USP36: variants seen among roughly 807,000 people sequenced by gnomAD.
USP36 encodes the protein ubiquitin specific peptidase 36, also known as ubiquitin carboxyl-terminal hydrolase 36.
In USP36, 59 loss-of-function variants were observed where a neutral mutation model predicts 111.5. That is an observed-to-expected ratio of 0.53 (90% CI 0.43 to 0.66). USP36 has a LOEUF of 0.66. Among genes scored for constraint, USP36 ranks in the 30% least tolerant of loss-of-function variants. The pLI is 0.00. For synonymous variants in USP36, 628 were observed against 581.0 expected (o/e 1.08, Z -1.16); for missense variants, 1,488 against 1,468.0 (o/e 1.01, Z -0.22).
At chr17:78,834,695 T>C (rs2068481570) in intron 4 of USP36, among the ~76,000 whole-genome samples, 1 of 152,126 alleles carries the variant, frequency 6.6e-6, no homozygotes, top group Non-Finnish European at 1.5e-5. Context: ...TGCCCACCTC[T>C]GCCTCCCACA....
chr17:78,816,664 A>C (rs1213907152), intron 10 of USP36, among the ~76,000 whole-genome samples: 1 of 151,512 alleles, frequency 6.6e-6, no homozygotes, highest in African/African-American at 2.4e-5. Context: ...TTTTGTAGAG[A>C]CAGGGTCTCA....
chr17:78,828,917 G>A lies in USP36; in HGVS notation c.566C>T (p.Ser189Phe), dbSNP rs369064069. 30 of 1,614,156 alleles carry A rather than the reference G, an allele frequency of 1.9e-5. No homozygotes were observed. The highest frequency in any genetic ancestry group is 2.5e-5 in the Non-Finnish European group (29 of 1,180,024). ...ANSGNAIKPV[S>F]FIRDLKKIAR... ...CTTACTTTTCAGGTCTCGGATGAAGGAGACGGGCTTGATGGCGTTGCCGCT... is the reference window on the plus strand; with the variant it reads ...CTTACTTTTCAGGTCTCGGATGAAGAAGACGGGCTTGATGGCGTTGCCGCT... The change falls in exon 5 of 21, where the codon TCC becomes TTC. Residue 189 changes from serine (S) to phenylalanine (F), a missense_variant. Ser to Phe is a radical substitution (Grantham distance 155, BLOSUM62 -2). Around this residue, in one of 3 missense-constraint regions of USP36, gnomAD observed 196 missense variants for 264.4 expected, o/e 0.74. Transcript: ENST00000449938.
At position 78,798,615 on chromosome 17, in the gene USP36, C is replaced by T. The variant is rs2093669850; in HGVS notation, c.3241-64G>A. 1 of 1,599,606 alleles carries T rather than the reference C, an allele frequency of 6.3e-7. No homozygotes were observed. Among genetic ancestry groups the T allele is most frequent in the Non-Finnish European group, 8.5e-7 (1 of 1,178,050 alleles). On this transcript the variant is annotated intron_variant, in intron 19 of 20. Transcript: ENST00000449938. The surrounding 1 kb of genome is among the most constrained non-coding windows in gnomAD (Gnocchi z 5.1). ...GGCTCTTTCCTGGCCCACGGGGCTC[C>T]ATGCTGCATGCAGGTCCTGCACACA...
chr17:78,814,310 C>T, intron 11 of USP36, 102 bp downstream of exon 11: 1 of 1,480,416 alleles, frequency 6.8e-7, no homozygotes, highest in South Asian at 1.3e-5. Context: ...CACAAAACAT[C>T]ACACTTTTCA....
chr17:78,822,100 T>C, intron 6 of USP36, 96 bp from the exon 7 acceptor site: 2 of 1,432,836 alleles, frequency 1.4e-6, no homozygotes, highest in Non-Finnish European at 2.0e-6. Context: ...AGTCACAAGC[T>C]CAGCGTGAGG....
At chr17:78,823,353 C>A (rs1333718785) in intron 6 of USP36, among the ~76,000 whole-genome samples, 3 of 152,218 alleles carry the variant, frequency 2.0e-5, no homozygotes, top group East Asian at 3.9e-4. Flanking sequence ...ACCCCCACAA[C>A]CCCTCTGTCA....
At chr17:78,841,012 T>G (rs937047231), upstream of USP36, 1 of 152,228 alleles carries the variant, frequency 6.6e-6, no homozygotes, top group African/African-American at 2.4e-5. Context: ...CCAGCCTACG[T>G]GATGACGCAA....
At chr17:78,829,585 T>C (rs989617256) in intron 4 of USP36, among the ~76,000 whole-genome samples, 1 of 152,186 alleles carries the variant, frequency 6.6e-6, no homozygotes, top group African/African-American at 2.4e-5. Context: ...TAGTCACAAC[T>C]ATGCTCCTGT....
rs1346765609 is a variant in USP36, at chr17:78,806,946, C to T, written c.2085+13G>A. 9.3e-6 allele frequency: 15 copies of T among 1,612,880 alleles called. No individual in the cohort carries two copies. In the African/African-American group the frequency reaches 1.6e-4, roughly 17 times the overall value. ...CCTGATACACAGCAGCGGCGAGACC[C>T]CCACACACCCACCTTCTTGGCAGAA... is the stretch of plus-strand genomic sequence containing the variant. On this transcript the variant is annotated intron_variant, in intron 14 of 20. Coordinates refer to ENST00000449938, the MANE Select transcript of USP36 (RefSeq NM_001385174.1).
chr17:78,830,886 C>T (rs1329096403), intron 4 of USP36, among the ~76,000 whole-genome samples: 3 of 151,542 alleles, frequency 2.0e-5, no homozygotes, highest in Admixed American at 6.6e-5. Context: ...TTTAAAATGA[C>T]AATAATGATT....
chr17:78,832,448 TCA>T (rs894619937), intron 4 of USP36, among the ~76,000 whole-genome samples: 6 of 152,300 alleles, frequency 3.9e-5, no homozygotes, highest in African/African-American at 1.2e-4. Context: ...CACTAATATT[TCA>T]CAGTGATACT....
intron 13 of USP36, among the ~76,000 whole-genome samples, chr17:78,809,464 G>C (rs547428543): frequency 6.6e-6 from 1 of 152,132 alleles, no homozygotes; most frequent in Non-Finnish European, 1.5e-5. Flanking sequence ...GAGTAAAACG[G>C]CTCGTCTGCT....
At chr17:78,814,788 A>C (rs1223202769) in intron 10 of USP36, among the ~76,000 whole-genome samples, 1 of 151,866 alleles carries the variant, frequency 6.6e-6, no homozygotes, top group Non-Finnish European at 1.5e-5. Flanking sequence ...ACTTCTAATA[A>C]AAATACAAAA....
chr17:78,812,792 C>G, intron 13 of USP36, 68 bp downstream of exon 13: 1 of 1,574,568 alleles, frequency 6.4e-7, no homozygotes, highest in South Asian at 1.1e-5. Context: ...GCCAACTTCC[C>G]AAGTGTGAGG....
At chr17:78,822,223 C>T (rs922221472) in intron 6 of USP36, among the ~76,000 whole-genome samples, 6 of 152,158 alleles carry the variant, frequency 3.9e-5, no homozygotes, top group African/African-American at 1.4e-4. Context: ...GCCCCACTAC[C>T]CACAGTAGCC....
chr17:78,808,344 G>A (rs888695528), intron 13 of USP36, among the ~76,000 whole-genome samples: 1 of 152,112 alleles, frequency 6.6e-6, no homozygotes, highest in Non-Finnish European at 1.5e-5. Context: ...TCAACCTTCT[G>A]GGCTCAAGAG....
Position 78,835,397 on chromosome 17 carries a change from C to G in USP36, c.358G>C (p.Val120Leu), listed in dbSNP as rs138324901. ...CCAAGGTTGTGGAGTCCTGCGCCCA[C>G]GCGGAAGACCCGCTCCCACCTCAGA... is the stretch of plus-strand genomic sequence containing the variant. ...LSLRWERVFRVGAGLHNLGNT... is the reference protein window; with the variant it reads ...LSLRWERVFRLGAGLHNLGNT... The change falls in exon 4 of 21, where the codon GTG (valine) becomes CTG (leucine). Residue 120 changes from valine to leucine, a missense_variant. Physicochemically the swap from Val to Leu is conservative, Grantham distance 32. Transcript: ENST00000449938. The G allele has an allele frequency of 8.7e-6, 14 of 1,614,126 alleles. No homozygotes were observed. In the East Asian group the frequency reaches 2.2e-4, roughly 26 times the overall value.
Position 78,807,143 on chromosome 17 carries a change from G to A in USP36, c.1901C>T (p.Ala634Val), listed in dbSNP as rs764090613. The A allele has an allele frequency of 7.5e-5, 121 of 1,614,080 alleles. No individual in the cohort carries two copies. The highest frequency in any genetic ancestry group is 1.6e-4 in the Middle Eastern group (1 of 6,082). ...TKAPQTPRSG[A>V]AHLCDSQETN... The stretch of plus-strand genomic sequence containing the variant: ...TTCCTGAGAATCGCAGAGATGGGCC[G>A]CTCCACTCCTGGGGGTCTGGGGGGC... The change falls in exon 14 of 21, where the codon GCG (alanine) becomes GTG (valine). Residue 634 changes from alanine to valine, a missense_variant. Around this residue, in one of 3 missense-constraint regions of USP36, gnomAD observed 1,073 missense variants for 994.1 expected, o/e 1.08. Transcript: ENST00000449938.
chr17:78,829,724 C>T (rs2067908131), intron 4 of USP36, among the ~76,000 whole-genome samples: 1 of 152,184 alleles, frequency 6.6e-6, no homozygotes. Flanking sequence ...TAAAACGCCT[C>T]ACTAGGCATT....
Sources: gnomAD v4.1 joint callset for allele counts (sites outside exome capture counted in the v4.1 genomes callset) on GRCh38, gnomAD v4.1.1 for gene constraint, gnomAD v4.1.1 regional missense constraint, Gnocchi (gnomAD v3.1) non-coding constraint, MANE v1.5 for transcripts, NCBI Gene and HGNC (gene_info 2026-07-23, HGNC 2026-07-21) for gene names.